SPATA17: variants seen among roughly 807,000 people sequenced by gnomAD.
The protein encoded by SPATA17 is spermatogenesis-associated protein 17.
In SPATA17, 53 loss-of-function variants were observed where a neutral mutation model predicts 62.2. The observed-to-expected ratio is 0.85, with a 90% CI of 0.68 to 1.07. SPATA17 has a LOEUF of 1.07. Among genes scored for constraint, SPATA17 ranks in the 50% least tolerant of loss-of-function variants. The pLI is 0.00. For synonymous variants in SPATA17, 146 were observed against 146.8 expected (o/e 0.99, Z 0.04); for missense variants, 466 against 425.5 (o/e 1.10, Z -0.84).
intron 7 of SPATA17, among the ~76,000 whole-genome samples, chr1:217,780,252 A>G (rs1673700709): frequency 1.3e-5 from 2 of 152,148 alleles, no homozygotes; most frequent in African/African-American, 4.8e-5. Flanking sequence ...ACGTAAGAGA[A>G]ACTTGATAGC....
chr1:217,693,406 C>T (rs1257580944), intron 5 of SPATA17, among the ~76,000 whole-genome samples: 6 of 120,462 alleles, frequency 5.0e-5, no homozygotes, highest in East Asian at 2.7e-4. Context: ...GTCTTGCTAG[C>T]GGTCTATCAA....
At chr1:217,779,800 A>G (rs1484477151) in intron 7 of SPATA17, among the ~76,000 whole-genome samples, 2 of 152,218 alleles carry the variant, frequency 1.3e-5, no homozygotes, top group African/African-American at 4.8e-5. Context: ...GAGTAGCTTT[A>G]CTTGCCAGGT....
intron 6 of SPATA17, among the ~76,000 whole-genome samples, chr1:217,757,689 A>G (rs568099090): frequency 6.6e-6 from 1 of 152,274 alleles, no homozygotes; most frequent in East Asian, 1.9e-4. Flanking sequence ...AAGCTTGTAC[A>G]TGTTCGTCAG....
intron 7 of SPATA17, among the ~76,000 whole-genome samples, chr1:217,776,930 G>A (rs1673609370): frequency 1.3e-5 from 2 of 152,104 alleles, no homozygotes; most frequent in African/African-American, 2.4e-5. Context: ...GAAGCCACAG[G>A]CTTATAAAAC....
chr1:217,646,164 C>T (rs765115466), intron 1 of SPATA17, among the ~76,000 whole-genome samples: 16 of 152,118 alleles, frequency 1.1e-4, no homozygotes, highest in African/African-American at 4.8e-5. Flanking sequence ...TCATTTCCCC[C>T]ATCCTTCATT....
At chr1:217,821,788 T>C (rs1674869407) in intron 9 of SPATA17, among the ~76,000 whole-genome samples, 2 of 152,102 alleles carry the variant, frequency 1.3e-5, no homozygotes, top group Admixed American at 6.6e-5. Context: ...TTTAAATTAA[T>C]TTCCCAAAAT....
At chr1:217,727,286 T>TAATAATAAC (rs1553369909) in intron 5 of SPATA17, among the ~76,000 whole-genome samples, 5 of 143,214 alleles carry the variant, frequency 3.5e-5, no homozygotes, top group South Asian at 4.4e-4. Context: ...ATAATAATAA[T>TAATAATAAC]AACAACAAAA....
chr1:217,749,444 CT>C (rs889746631), intron 6 of SPATA17, among the ~76,000 whole-genome samples: 10 of 151,630 alleles, frequency 6.6e-5, no homozygotes, highest in African/African-American at 2.2e-4. Flanking sequence ...TTTTTTTGGG[CT>C]TTTTTTTCTG....
At chr1:217,650,953 C>T in intron 2 of SPATA17, 144 bp from the exon 3 acceptor site, 1 of 597,084 alleles carries the variant, frequency 1.7e-6, no homozygotes. Context: ...AATTCTATCC[C>T]ACAATAACTT....
chr1:217,652,726 G>A (rs1670350492), intron 3 of SPATA17, among the ~76,000 whole-genome samples: 1 of 152,170 alleles, frequency 6.6e-6, no homozygotes, highest in African/African-American at 2.4e-5. Context: ...ACTGTGGTAA[G>A]CATTAAATAT....
chr1:217,643,677 G>A (rs961397447), intron 1 of SPATA17, among the ~76,000 whole-genome samples: 2 of 151,782 alleles, frequency 1.3e-5, no homozygotes, highest in Non-Finnish European at 2.9e-5. Flanking sequence ...GTAAAGAGAA[G>A]TGAGGAGGAA....
chr1:217,753,721 CAT>C (rs1374684718), intron 6 of SPATA17, among the ~76,000 whole-genome samples: 6 of 151,616 alleles, frequency 4.0e-5, no homozygotes, highest in African/African-American at 1.5e-4. Flanking sequence ...CAAATACAAA[CAT>C]ATATAAAATT....
chr1:217,762,788 G>A (rs998417239), intron 6 of SPATA17, among the ~76,000 whole-genome samples: 2 of 152,040 alleles, frequency 1.3e-5, no homozygotes, highest in African/African-American at 2.4e-5. Flanking sequence ...CCTGGCCAAC[G>A]TGGTGAAACC....
rs1023529935 is a variant in SPATA17 at position 217,716,870 on chromosome 1, T to C, written c.396-25105T>C. ...CCTATCGTGTGCATGGTGTTTTATA[T>C]GTTATCTCGTCTATCCACACAAACC... is the stretch of plus-strand genomic sequence containing the variant. On this transcript the variant is annotated intron_variant, in intron 5 of 10. Coordinates refer to ENST00000366933, the MANE Select transcript of SPATA17 (RefSeq NM_138796.4). Among the ~76,000 whole-genome samples the C allele has an allele frequency of 2.0e-5, 3 of 152,244 alleles. No homozygotes were observed. The East Asian group carries it at 5.8e-4, about 29-fold the overall frequency.
intron 5 of SPATA17, among the ~76,000 whole-genome samples, chr1:217,702,390 T>A (rs998050749): frequency 1.3e-5 from 2 of 152,250 alleles, no homozygotes; most frequent in South Asian, 4.1e-4. Flanking sequence ...CCTGTTCTTT[T>A]CCCACCCATT....
intron 8 of SPATA17, among the ~76,000 whole-genome samples, chr1:217,786,261 G>T (rs1001521379): frequency 2.0e-5 from 3 of 152,146 alleles, no homozygotes; most frequent in African/African-American, 7.2e-5. Flanking sequence ...ATGGTCAAGT[G>T]TGTGTAAGAG....
intron 6 of SPATA17, among the ~76,000 whole-genome samples, chr1:217,747,341 G>A (rs1424224796): frequency 6.6e-6 from 1 of 151,984 alleles, no homozygotes; most frequent in Non-Finnish European, 1.5e-5. Flanking sequence ...TTGTTCTTGG[G>A]TAATAAATTA....
chr1:217,839,855 A>G (rs1675350994), intron 9 of SPATA17, among the ~76,000 whole-genome samples: 1 of 152,146 alleles, frequency 6.6e-6, no homozygotes. Context: ...CCATTTATCA[A>G]TCAACATCAT....
At chr1:217,789,990 T>C (rs1420749962) in intron 8 of SPATA17, among the ~76,000 whole-genome samples, 3 of 151,848 alleles carry the variant, frequency 2.0e-5, no homozygotes, top group East Asian at 1.9e-4. Flanking sequence ...TGAGCCCAGA[T>C]CGCACCACTG....
Sources: allele counts gnomAD v4.1 joint callset (sites outside exome capture counted in the v4.1 genomes callset), GRCh38; gene constraint gnomAD v4.1.1; transcripts MANE v1.5; gene names NCBI Gene and HGNC (gene_info 2026-07-23, HGNC 2026-07-21).